MAPK6: variants seen among roughly 807,000 people sequenced by gnomAD.
The protein encoded by MAPK6 is ERK-3.
In MAPK6, 19 loss-of-function variants were observed where a neutral mutation model predicts 59.3. That is an observed-to-expected ratio of 0.32 (90% confidence interval 0.22 to 0.47). MAPK6 has a LOEUF of 0.47. Ranked by LOEUF, MAPK6 falls within the 20% of genes least tolerant of loss-of-function variation. The pLI, the probability that MAPK6 is intolerant of heterozygous loss-of-function variation, is 1.00. For synonymous variants in MAPK6, 316 were observed against 290.3 expected (o/e 1.09, Z -0.90); for missense variants, 724 against 847.9 (o/e 0.85, Z 1.81).
At chr15:51,994,140 A>G (rs2057217969) in intron 2 of MAPK6, among the ~76,000 whole-genome samples, 1 of 152,018 alleles carries the variant, frequency 6.6e-6, no homozygotes. Flanking sequence ...TTGTATTTTT[A>G]GTAGAGACGG....
At chr15:51,977,097 A>G (rs908683454) in intron 1 of MAPK6, among the ~76,000 whole-genome samples, 1 of 151,068 alleles carries the variant, frequency 6.6e-6, no homozygotes, top group African/African-American at 2.4e-5. Flanking sequence ...TCTGCCTCCC[A>G]GGTTCTACAA....
intron 2 of MAPK6, among the ~76,000 whole-genome samples, chr15:52,002,807 C>A (rs577673378): frequency 6.6e-6 from 1 of 152,102 alleles, no homozygotes; most frequent in African/African-American, 2.4e-5. Context: ...ACAATCATGG[C>A]GGAAGAGGAA....
In MAPK6 at chr15:52,058,656, C is replaced by T. The variant is rs2032078462; in HGVS notation, c.724C>T (p.Gln242Ter). The change falls in exon 4 of 6, where the codon CAG becomes TAG. Residue 242 changes from glutamine to a stop codon, truncating the protein, a stop_gained. Transcript: ENST00000261845. LOFTEE classifies it high-confidence loss of function. ...AGGTGCACATGAACTTGAACAGATGCAGCTGATTTTAGAATCTATTCCTGT... is the reference window on the plus strand; with the variant it reads ...AGGTGCACATGAACTTGAACAGATGTAGCTGATTTTAGAATCTATTCCTGT... ...FAGAHELEQM[Q>*]LILESIPVVH... is the part of the protein sequence containing the mutation. 1 of 1,609,622 alleles carries T rather than the reference C, an allele frequency of 6.2e-7. No individual in the cohort carries two copies. The highest frequency in any genetic ancestry group is 8.5e-7 in the Non-Finnish European group (1 of 1,177,680).
At chr15:52,040,434 T>C (rs965537106) in intron 1 of MAPK6, among the ~76,000 whole-genome samples, 1 of 152,188 alleles carries the variant, frequency 6.6e-6, no homozygotes, top group Non-Finnish European at 1.5e-5. Context: ...AGATGACCCA[T>C]GTCAGCATTT....
chr15:52,050,202 C>A, intron 3 of MAPK6, 65 bp downstream of exon 3: 1 of 1,341,700 alleles, frequency 7.5e-7, no homozygotes, highest in Non-Finnish European at 1.0e-6. Context: ...ATCTCTGAAG[C>A]AAGATTCATA....
At position 52,001,189 on chromosome 15, in the gene MAPK6, T is replaced by C. The variant is rs530989574; in HGVS notation, c.-769-3076T>C. On this transcript the variant is annotated intron_variant, in intron 2 of 7. Coordinates refer to the MAPK6 transcript ENST00000691380. ...TTCCACTTTCTGTCATGTGAAGACATAGCATTCCTCCTCTCCAGAGGATGC... is the reference window on the plus strand; with the variant it reads ...TTCCACTTTCTGTCATGTGAAGACACAGCATTCCTCCTCTCCAGAGGATGC... Among the ~76,000 whole-genome samples the C allele has an allele frequency of 1.2e-4, 19 of 152,260 alleles. No individual in the cohort carries two copies. The South Asian group carries it at 2.1e-3, about 17-fold the overall frequency.
chr15:52,060,638 G>A (rs753125092), intron 4 of MAPK6, among the ~76,000 whole-genome samples: 3 of 152,142 alleles, frequency 2.0e-5, no homozygotes, highest in Admixed American at 6.5e-5. Context: ...TTCAGGCTGC[G>A]TGAGGAACTA....
At chr15:52,018,028 T>C (rs561923817), upstream of MAPK6, 2 of 152,280 alleles carry the variant, frequency 1.3e-5, 1 homozygote, top group South Asian at 4.1e-4. Flanking sequence ...TTAACTTCAT[T>C]ACTCTGTGAT....
chr15:52,064,447 G>A lies in MAPK6; in HGVS notation c.1613G>A (p.Ser538Asn), dbSNP rs1156987091. ...DSFIAGTIQL[S>N]SQHEPTDVVD... ...TTTATTGCAGGAACTATTCAGCTTAGTTCCCAGCATGAGCCTACTGATGTT... is the reference window on the plus strand; with the variant it reads ...TTTATTGCAGGAACTATTCAGCTTAATTCCCAGCATGAGCCTACTGATGTT... Residue 538 changes from serine (S) to asparagine (N), a missense_variant, in exon 6 of 6, where the codon AGT becomes AAT. Ser to Asn is a conservative substitution (Grantham distance 46). Coordinates refer to ENST00000261845, the MANE Select transcript of MAPK6 (RefSeq NM_002748.4). The A allele has an allele frequency of 1.2e-6, 2 of 1,611,286 alleles. No homozygotes were observed. The highest frequency in any genetic ancestry group is 1.1e-5 in the South Asian group (1 of 90,846).
chr15:52,028,978 A>T (rs1277116070), intron 1 of MAPK6, among the ~76,000 whole-genome samples: 1 of 152,204 alleles, frequency 6.6e-6, no homozygotes, highest in Non-Finnish European at 1.5e-5. Flanking sequence ...CTATTCATCT[A>T]CTTCTCATTT....
chr15:51,990,686 C>T (rs989377758), intron 2 of MAPK6, among the ~76,000 whole-genome samples: 1 of 152,170 alleles, frequency 6.6e-6, no homozygotes, highest in African/African-American at 2.4e-5. Context: ...CGCAGTGGCT[C>T]ACGCCTGTAA....
At chr15:52,014,015 A>G (rs2030163988) in intron 3 of MAPK6, among the ~76,000 whole-genome samples, 1 of 149,352 alleles carries the variant, frequency 6.7e-6, no homozygotes, top group Non-Finnish European at 1.5e-5. Context: ...GACTTCTCCC[A>G]TTTTCCAAAG....
chr15:52,041,485 C>T (rs975956289), intron 1 of MAPK6, among the ~76,000 whole-genome samples: 6 of 152,152 alleles, frequency 3.9e-5, no homozygotes, highest in South Asian at 2.1e-4. Context: ...CGTGAGCCAC[C>T]GCGCCCGGCC....
Position 52,032,643 on chromosome 15 carries a change from C to T in MAPK6, c.-631-13187C>T, listed in dbSNP as rs1456787294. On this transcript the variant is annotated intron_variant, in intron 1 of 5. Transcript: ENST00000261845. Reference sequence around the variant, plus strand: ...TTTTAGCATTTCTTGAAGTGAAAGTCTGCTGGAGACAGATTTCTATCCAGT... The same window carrying T: ...TTTTAGCATTTCTTGAAGTGAAAGTTTGCTGGAGACAGATTTCTATCCAGT... Among the ~76,000 whole-genome samples, 7 of 152,164 alleles carry T rather than the reference C, an allele frequency of 4.6e-5. No homozygotes were observed. In the East Asian group the frequency reaches 1.2e-3, roughly 25 times the overall value.
chr15:52,036,422 T>C (rs1384623900), intron 1 of MAPK6, among the ~76,000 whole-genome samples: 4 of 152,184 alleles, frequency 2.6e-5, no homozygotes, highest in African/African-American at 9.7e-5. Flanking sequence ...GGCTTGGCAG[T>C]CTGATACCAT....
At chr15:52,053,009 G>C (rs144499056) in intron 3 of MAPK6, among the ~76,000 whole-genome samples, 281 of 150,262 alleles carry the variant, frequency 1.9e-3, no homozygotes, top group East Asian at 0.013. Context: ...ATGCATGAGA[G>C]TTAAATTTTG....
intron 1 of MAPK6, among the ~76,000 whole-genome samples, chr15:52,044,156 G>C (rs938258365): frequency 4.6e-5 from 7 of 152,086 alleles, no homozygotes; most frequent in Non-Finnish European, 7.4e-5. Context: ...GTAAGCTACA[G>C]AATTTTTAGG....
intron 3 of MAPK6, among the ~76,000 whole-genome samples, chr15:52,054,133 G>A (rs146149001): frequency 0.023 from 3,445 of 151,722 alleles, 53 homozygotes; most frequent in Middle Eastern, 0.12. Context: ...TTTGGGATGC[G>A]GAGGCAAGTG....
At chr15:52,028,166 A>G (rs896261619) in intron 1 of MAPK6, among the ~76,000 whole-genome samples, 1 of 151,664 alleles carries the variant, frequency 6.6e-6, no homozygotes, top group Non-Finnish European at 1.5e-5. Context: ...GTTAGCCAGG[A>G]TGGTCTCGAT....
Sources: allele counts gnomAD v4.1 joint callset (sites outside exome capture counted in the v4.1 genomes callset), GRCh38; gene constraint gnomAD v4.1.1; transcripts MANE v1.5; gene names NCBI Gene and HGNC (gene_info 2026-07-23, HGNC 2026-07-21).